The following SGMS1 variants were observed in gnomAD, a reference collection of about 807,000 sequenced individuals.
SGMS1 encodes the protein sphingomyelin synthase 1, also known as phosphatidylcholine:ceramide cholinephosphotransferase 1.
A neutral mutation model predicts 46.2 loss-of-function variants in SGMS1; 13 were observed. The observed-to-expected ratio is 0.28, with a 90% CI of 0.18 to 0.45. The LOEUF is 0.45. SGMS1 is among the 20% of genes least tolerant of loss of function. SGMS1 has a pLI of 1.00. For missense variants in SGMS1, 324 were observed against 519.9 expected (o/e 0.62, Z 3.66); for synonymous variants, 203 against 187.8 (o/e 1.08, Z -0.66).
At chr10:50,455,907 C>T (rs1226766450) in intron 5 of SGMS1, among the ~76,000 whole-genome samples, 2 of 152,142 alleles carry the variant, frequency 1.3e-5, no homozygotes, top group Non-Finnish European at 2.9e-5. Context: ...ACCACCAATG[C>T]TTGTAAGGCT....
intron 2 of SGMS1, among the ~76,000 whole-genome samples, chr10:50,537,468 T>TTATTA (rs1440028343): frequency 6.7e-6 from 1 of 149,754 alleles, no homozygotes; most frequent in Non-Finnish European, 1.5e-5. Flanking sequence ...TATATATATT[T>TTATTA]TATTATACTT....
At position 50,466,934 on chromosome 10, in the gene SGMS1, T is replaced by C. The variant is rs1450332315; in HGVS notation, c.-497-2A>G. 1 of 152,176 alleles carries C rather than the reference T, an allele frequency of 6.6e-6. No individual in the cohort carries two copies. The highest frequency in any genetic ancestry group is 2.4e-5 in the African/African-American group (1 of 41,418). The allele number at this position is 152,176 out of a possible 1,614,324, so 9.4% of individuals were successfully genotyped here. A position where few individuals can be genotyped will look rare whatever the true frequency, so the allele number is the denominator to read the frequency against. On this transcript the variant is annotated splice_acceptor_variant, in intron 3 of 10. Transcript: ENST00000361781. LOFTEE classifies it low-confidence loss of function (5UTR_SPLICE). Reference sequence around the variant, plus strand: ...TTCTTCATCAGTCTTCTTTCCAATCTAGAAGAAGTAATAAGTAAATTAAAG... The same window carrying C: ...TTCTTCATCAGTCTTCTTTCCAATCCAGAAGAAGTAATAAGTAAATTAAAG...
chr10:50,424,835 C>G (rs574432839), intron 6 of SGMS1, among the ~76,000 whole-genome samples: 74 of 151,516 alleles, frequency 4.9e-4, no homozygotes, highest in Middle Eastern at 3.4e-3. Context: ...TCACTTGAAC[C>G]CAGGAGATGG....
intron 2 of SGMS1, among the ~76,000 whole-genome samples, chr10:50,560,453 A>T (rs1838226748): frequency 7.1e-6 from 1 of 140,560 alleles, no homozygotes; most frequent in African/African-American, 2.6e-5. Flanking sequence ...TATAATATAT[A>T]CATAAAACAT....
chr10:50,410,464 T>C (rs1156881105), intron 6 of SGMS1, among the ~76,000 whole-genome samples: 3 of 152,310 alleles, frequency 2.0e-5, no homozygotes, highest in Non-Finnish European at 4.4e-5. Context: ...TCGAGCTGAA[T>C]ACCTTATTGT....
intron 6 of SGMS1, among the ~76,000 whole-genome samples, chr10:50,429,817 T>C (rs571143213): frequency 4.6e-5 from 7 of 152,268 alleles, no homozygotes; most frequent in Middle Eastern, 3.4e-3. Flanking sequence ...TTTTAAAAGA[T>C]CTATTCTTTC....
chr10:50,529,739 G>T (rs1837935960), intron 2 of SGMS1, among the ~76,000 whole-genome samples: 1 of 152,052 alleles, frequency 6.6e-6, no homozygotes, highest in South Asian at 2.1e-4. Context: ...TCGTAGCATT[G>T]TGCTTGACAC....
At chr10:50,468,846 T>G (rs1170309948) in intron 3 of SGMS1, among the ~76,000 whole-genome samples, 3 of 152,206 alleles carry the variant, frequency 2.0e-5, no homozygotes, top group Non-Finnish European at 4.4e-5. Flanking sequence ...ATCAAAGACA[T>G]GTAGCTAAAA....
chr10:50,366,829 AT>A lies in SGMS1; in HGVS notation c.-231-22485del, dbSNP rs372721048. The stretch of plus-strand genomic sequence containing the variant: ...GGTGGGGGGCTAGGGGAGGGATAAC[AT>A]TAGGAGAAATATCTAATGTAGGTGA... On this transcript the variant is annotated intron_variant, in intron 6 of 10. Coordinates refer to ENST00000361781, the MANE Select transcript of SGMS1 (RefSeq NM_147156.4). 2.2e-4 allele frequency among the ~76,000 whole-genome samples: 33 copies of A among 152,292 alleles called. No homozygotes were observed. The East Asian group carries it at 3.5e-3, about 16-fold the overall frequency.
chr10:50,609,167 T>C (rs886354332), intron 1 of SGMS1, among the ~76,000 whole-genome samples: 2 of 152,020 alleles, frequency 1.3e-5, no homozygotes, highest in African/African-American at 4.8e-5. Context: ...AGACAGATTT[T>C]GCCACATTGC....
At chr10:50,338,865 G>A (rs2461915) in intron 7 of SGMS1, among the ~76,000 whole-genome samples, 7 of 151,776 alleles carry the variant, frequency 4.6e-5, no homozygotes, top group African/African-American at 9.7e-5. Context: ...TCAGTCTCCC[G>A]AGTAGCTGGG....
chr10:50,359,066 G>A (rs147221794), intron 6 of SGMS1, among the ~76,000 whole-genome samples: 1 of 152,170 alleles, frequency 6.6e-6, no homozygotes, highest in Non-Finnish European at 1.5e-5. Context: ...TCCAACTCTG[G>A]TTAGCAAATA....
chr10:50,344,477 G>C (rs1847881275), intron 6 of SGMS1, 132 bp from the exon 7 acceptor site: 2 of 180,532 alleles, frequency 1.1e-5, no homozygotes, highest in Non-Finnish European at 1.2e-5. Flanking sequence ...ACATGTATTC[G>C]TTTCAGGGAC....
At chr10:50,532,086 G>C (rs1209497837) in intron 2 of SGMS1, among the ~76,000 whole-genome samples, 3 of 152,050 alleles carry the variant, frequency 2.0e-5, no homozygotes, top group Non-Finnish European at 2.9e-5. Context: ...TCCTGGTCAG[G>C]GTCACCATCC....
intron 3 of SGMS1, among the ~76,000 whole-genome samples, chr10:50,490,624 A>G (rs1837559287): frequency 1.3e-5 from 2 of 152,228 alleles, no homozygotes; most frequent in Admixed American, 6.5e-5. Context: ...TGGAAACAGT[A>G]TTATCGATCT....
At chr10:50,624,687 C>T (rs1838902258), upstream of SGMS1, 9 of 985,460 alleles carry the variant, frequency 9.1e-6, no homozygotes, top group Non-Finnish European at 1.1e-5. Context: ...GCCCAGTAGC[C>T]CCACGTGGTG....
chr10:50,600,696 C>A (rs915076353), intron 1 of SGMS1, among the ~76,000 whole-genome samples: 3 of 152,174 alleles, frequency 2.0e-5, no homozygotes, highest in Non-Finnish European at 1.5e-5. Context: ...GATAGAAAAG[C>A]CATTTCTTAT....
intron 1 of SGMS1, among the ~76,000 whole-genome samples, chr10:50,621,669 T>G (rs902035052): frequency 1.3e-5 from 2 of 152,278 alleles, no homozygotes; most frequent in African/African-American, 2.4e-5. Flanking sequence ...CTGGAGTTAA[T>G]GTCTTTTATT....
chr10:50,382,708 G>A (rs1042538253), intron 6 of SGMS1, among the ~76,000 whole-genome samples: 1 of 151,810 alleles, frequency 6.6e-6, no homozygotes. Flanking sequence ...AAATTTAGCC[G>A]ACAGATCTAA....
Sources: allele counts gnomAD v4.1 joint callset (sites outside exome capture counted in the v4.1 genomes callset), GRCh38; gene constraint gnomAD v4.1.1; transcripts MANE v1.5; gene names NCBI Gene and HGNC (gene_info 2026-07-23, HGNC 2026-07-21).